Variants in SLC67A2 observed in about 807,000 individuals in gnomAD.
SLC67A2 encodes solute carrier family 67 member 2, also known as solute carrier family 67 member A2.
At chr2:102,732,364 C>A in the SLC67A2 span, 1 of 1,613,786 alleles carries the variant, frequency 6.2e-7, no homozygotes, top group Non-Finnish European at 8.5e-7. Context: ...AGGGACTTGA[C>A]ATGAAGGCTC....
At chr2:102,723,587 G>T in the SLC67A2 span, 2 of 1,070,500 alleles carry the variant, frequency 1.9e-6, no homozygotes, top group Non-Finnish European at 2.7e-6. Context: ...TTTTGTTTTT[G>T]GACGATGAGT....
the SLC67A2 span, chr2:102,736,788 T>C: frequency 1.9e-6 from 3 of 1,612,950 alleles, no homozygotes; most frequent in African/African-American, 1.3e-5. Flanking sequence ...CGAGTTCATG[T>C]CCCAGTGACC....
chr2:102,736,385 G>A, the SLC67A2 span: 21 of 846,880 alleles, frequency 2.5e-5, no homozygotes, highest in Non-Finnish European at 3.3e-5. Flanking sequence ...TTGGTACCAG[G>A]GCTTCTCAAA....
chr2:102,730,690 C>G, the SLC67A2 span, among the ~76,000 whole-genome samples: 1 of 152,050 alleles, frequency 6.6e-6, no homozygotes, highest in Non-Finnish European at 1.5e-5. Flanking sequence ...CTACAGGTGC[C>G]TGCCACCATG....
At chr2:102,724,009 C>A in the SLC67A2 span, 1 of 1,019,044 alleles carries the variant, frequency 9.8e-7, no homozygotes, top group Non-Finnish European at 1.5e-6. Context: ...GAGTTCTGAT[C>A]TCTGGTTTCT....
At chr2:102,733,020 A>G in the SLC67A2 span, among the ~76,000 whole-genome samples, 2 of 152,228 alleles carry the variant, frequency 1.3e-5, no homozygotes, top group African/African-American at 4.8e-5. Context: ...TGTCATCTGC[A>G]AAGGGTAGAA....
chr2:102,732,134 G>A, the SLC67A2 span: 6 of 697,026 alleles, frequency 8.6e-6, no homozygotes, highest in East Asian at 2.9e-5. Context: ...TTGAACATAC[G>A]TCGTCTAGAA....
At chr2:102,736,403 G>T in the SLC67A2 span, 1 of 1,054,474 alleles carries the variant, frequency 9.5e-7, no homozygotes, top group South Asian at 1.7e-5. Context: ...AAAAGGCAGG[G>T]AAGGGAAGAC....
chr2:102,729,650 C>T, the SLC67A2 span, among the ~76,000 whole-genome samples: 1 of 152,016 alleles, frequency 6.6e-6, no homozygotes, highest in Non-Finnish European at 1.5e-5. Flanking sequence ...ACAGATGACT[C>T]TTAGAAAAAA....
chr2:102,736,479 G>C, the SLC67A2 span: 2 of 1,489,814 alleles, frequency 1.3e-6, no homozygotes, highest in East Asian at 4.9e-5. Flanking sequence ...GATGCAGACT[G>C]AAGTGGGTGA....
At chr2:102,730,406 C>T in the SLC67A2 span, among the ~76,000 whole-genome samples, 4 of 151,526 alleles carry the variant, frequency 2.6e-5, no homozygotes, top group East Asian at 7.8e-4. Context: ...TCCAAATGTC[C>T]CCTTCTGTCT....
chr2:102,715,904 T>C, the SLC67A2 span: 1 of 152,150 alleles, frequency 6.6e-6, no homozygotes, highest in Admixed American at 6.5e-5. Context: ...TACTACCCCT[T>C]AGACCAGGGG....
At chr2:102,732,770 CG>C in the SLC67A2 span, among the ~76,000 whole-genome samples, 20,480 of 152,160 alleles carry the variant, frequency 0.13, 1,701 homozygotes, top group East Asian at 0.19. Context: ...CTGGAGTTGG[CG>C]AAAGTGGCTA....
chr2:102,732,315 C>T, the SLC67A2 span: 1 of 1,609,694 alleles, frequency 6.2e-7, no homozygotes, highest in Non-Finnish European at 8.5e-7. Context: ...CAATATCGAC[C>T]ACTCACCTAC....
chr2:102,736,257 C>T, the SLC67A2 span, among the ~76,000 whole-genome samples: 1 of 152,054 alleles, frequency 6.6e-6, no homozygotes, highest in African/African-American at 2.4e-5. Flanking sequence ...GCTTGCGTGT[C>T]CCTACCTCAC....
At chr2:102,731,007 C>T in the SLC67A2 span, 1 of 1,611,890 alleles carries the variant, frequency 6.2e-7, no homozygotes, top group Non-Finnish European at 8.5e-7. Context: ...ATGGATGAGA[C>T]ATGTGATCAT....
the SLC67A2 span, among the ~76,000 whole-genome samples, chr2:102,715,684 C>A: frequency 6.6e-6 from 1 of 152,026 alleles, no homozygotes; most frequent in African/African-American, 2.4e-5. Context: ...CAGGAAGGTT[C>A]AATACTCCTA....
At chr2:102,733,720 A>T in the SLC67A2 span, among the ~76,000 whole-genome samples, 1 of 152,032 alleles carries the variant, frequency 6.6e-6, no homozygotes, top group African/African-American at 2.4e-5. Context: ...CTTTCAGAAA[A>T]GGAAACTCAA....
At chr2:102,723,507 C>T in the SLC67A2 span, among the ~76,000 whole-genome samples, 1 of 151,792 alleles carries the variant, frequency 6.6e-6, no homozygotes, top group African/African-American at 2.4e-5. Flanking sequence ...AACTCTGGCA[C>T]ACTGTGGGTG....
Sources: gnomAD v4.1 joint callset for allele counts (sites outside exome capture counted in the v4.1 genomes callset) on GRCh38, gnomAD v4.1.1 for gene constraint, MANE v1.5 for transcripts, NCBI Gene and HGNC (gene_info 2026-07-23, HGNC 2026-07-21) for gene names.